The following ELMO1 variants were observed in gnomAD, a reference collection of about 807,000 sequenced individuals.
The protein encoded by ELMO1 is engulfment and cell motility 1.
A neutral mutation model predicts 98.9 loss-of-function variants in ELMO1; 26 were observed. The observed-to-expected ratio is 0.26, with a 90% CI of 0.19 to 0.36. The LOEUF is 0.36. Ranked by LOEUF, ELMO1 falls within the 10% of genes least tolerant of loss-of-function variation. ELMO1 has a pLI of 1.00. For missense variants in ELMO1, 627 were observed against 935.2 expected (o/e 0.67, Z 4.30); for synonymous variants, 346 against 346.0 (o/e 1.00, Z 0.00).
chr7:36,953,842 TGTGTGTGTGTGTG>T (rs1788210247), intron 16 of ELMO1, among the ~76,000 whole-genome samples: 3 of 4,382 alleles, frequency 6.8e-4, no homozygotes, highest in African/African-American at 2.0e-3. Context: ...GTATGTTTTG[TGTGTGTGTGTGTG>T]TGTGTGTGTG....
chr7:36,919,290 T>C (rs573643645), intron 16 of ELMO1: 3 of 492,148 alleles, frequency 6.1e-6, no homozygotes, highest in East Asian at 5.7e-5. Context: ...CCACAGCATA[T>C]AGCATCGTGT....
At chr7:37,431,777 C>G (rs536081433) in intron 1 of ELMO1, among the ~76,000 whole-genome samples, 3 of 152,236 alleles carry the variant, frequency 2.0e-5, no homozygotes, top group Admixed American at 2.0e-4. Context: ...TGGCTCTGAA[C>G]TAACACTAAT....
intron 16 of ELMO1, among the ~76,000 whole-genome samples, chr7:36,903,569 T>C (rs1443993155): frequency 6.6e-6 from 1 of 152,244 alleles, no homozygotes; most frequent in Admixed American, 6.5e-5. Flanking sequence ...CAGGATGTCT[T>C]TGCCTGGCCT....
intron 4 of ELMO1, among the ~76,000 whole-genome samples, chr7:37,303,513 A>G (rs1022528039): frequency 6.6e-6 from 1 of 152,260 alleles, no homozygotes; most frequent in Admixed American, 6.5e-5. Flanking sequence ...AAGATCTGCA[A>G]TTAAGTTTCT....
intron 16 of ELMO1, among the ~76,000 whole-genome samples, chr7:36,948,084 A>C (rs73340252): frequency 3.0e-4 from 45 of 152,374 alleles, no homozygotes; most frequent in African/African-American, 9.6e-4. Context: ...ATGCTCAATA[A>C]GTGTAGTTTG....
At chr7:37,350,900 G>A (rs569548498) in intron 1 of ELMO1, among the ~76,000 whole-genome samples, 1 of 152,310 alleles carries the variant, frequency 6.6e-6, no homozygotes, top group East Asian at 1.9e-4. Context: ...GTAAGCCAAG[G>A]AGAAAGCCCT....
intron 16 of ELMO1, among the ~76,000 whole-genome samples, chr7:36,948,382 A>G (rs1337633424): frequency 1.3e-5 from 2 of 152,178 alleles, no homozygotes; most frequent in Non-Finnish European, 2.9e-5. Context: ...TTTCACATTG[A>G]GTTAGAATGT....
intron 13 of ELMO1, among the ~76,000 whole-genome samples, chr7:37,176,179 C>T (rs1033369338): frequency 3.3e-5 from 5 of 152,176 alleles, no homozygotes; most frequent in African/African-American, 1.2e-4. Flanking sequence ...CCTTTAACAT[C>T]TCAACAATTT....
intron 1 of ELMO1, among the ~76,000 whole-genome samples, chr7:37,414,844 AG>A (rs1562676554): frequency 1.3e-5 from 2 of 152,252 alleles, no homozygotes; most frequent in Non-Finnish European, 2.9e-5. Flanking sequence ...GAATAAAACA[AG>A]AGCAAATAAA....
intron 1 of ELMO1, among the ~76,000 whole-genome samples, chr7:37,406,104 G>A (rs1803746660): frequency 6.6e-6 from 1 of 152,042 alleles, no homozygotes; most frequent in Non-Finnish European, 1.5e-5. Flanking sequence ...TGCATCTTAG[G>A]GTTCATTCCA....
intron 1 of ELMO1, among the ~76,000 whole-genome samples, chr7:37,432,280 G>A (rs1490017807): frequency 6.6e-6 from 1 of 152,218 alleles, no homozygotes; most frequent in Non-Finnish European, 1.5e-5. Context: ...TGAATAATTG[G>A]AATAGGTATG....
intron 1 of ELMO1, among the ~76,000 whole-genome samples, chr7:37,351,483 T>C (rs1240469070): frequency 2.0e-5 from 3 of 152,070 alleles, no homozygotes; most frequent in Non-Finnish European, 4.4e-5. Flanking sequence ...TCATCCACAA[T>C]AGGAAAGAAT....
rs184326221 is a variant in ELMO1 at position 37,289,034 on chromosome 7, C to T, written c.193-17152G>A. ...TGTTCGTTTTCTAAGTCTTTCCTGT[C>T]AGTTTCCACACCCAAAAGAACAGAT... is the stretch of plus-strand genomic sequence containing the variant. On this transcript the variant is annotated intron_variant, in intron 4 of 21. Coordinates refer to ENST00000310758, the MANE Select transcript of ELMO1 (RefSeq NM_014800.11). Among the ~76,000 whole-genome samples, 4 of 152,294 alleles carry T rather than the reference C, an allele frequency of 2.6e-5. No individual in the cohort carries two copies. In the East Asian group the frequency reaches 7.7e-4, roughly 29 times the overall value.
intron 16 of ELMO1, among the ~76,000 whole-genome samples, chr7:36,971,078 T>C (rs905459041): frequency 1.3e-5 from 2 of 152,244 alleles, no homozygotes; most frequent in South Asian, 2.1e-4. Context: ...ACTGGTGAAG[T>C]TGTGTGTATG....
chr7:36,853,464 A>G lies in ELMO1; in HGVS notation c.*2087T>C, dbSNP rs1341933554. 1.3e-5 allele frequency among the ~76,000 whole-genome samples: 2 copies of G among 152,166 alleles called. No homozygotes were observed. The highest frequency in any genetic ancestry group is 2.9e-5 in the Non-Finnish European group (2 of 68,028). On this transcript the variant is annotated 3_prime_UTR_variant, in exon 22 of 22. Coordinates refer to ENST00000310758, the MANE Select transcript of ELMO1 (RefSeq NM_014800.11). The stretch of plus-strand genomic sequence containing the variant: ...AATATGACTTTGTTTGCTGCCTTTG[A>G]CCTAACACTTACTGTTTTATCATGA...
chr7:37,438,178 T>A (rs1805229872), intron 1 of ELMO1, among the ~76,000 whole-genome samples: 1 of 152,250 alleles, frequency 6.6e-6, no homozygotes, highest in South Asian at 2.1e-4. Flanking sequence ...TAAAGCAAAC[T>A]AATTCTAGTC....
At chr7:36,906,474 G>A (rs1256828931) in intron 16 of ELMO1, among the ~76,000 whole-genome samples, 2 of 152,182 alleles carry the variant, frequency 1.3e-5, no homozygotes, top group Non-Finnish European at 2.9e-5. Context: ...CTAATAAGTT[G>A]TTGATGCCTG....
chr7:37,118,362 C>T (rs983398032), intron 14 of ELMO1, among the ~76,000 whole-genome samples: 1 of 152,126 alleles, frequency 6.6e-6, no homozygotes, highest in Non-Finnish European at 1.5e-5. Context: ...ATAATATACT[C>T]GTGTGACTTT....
chr7:37,153,146 A>G (rs2129320271), intron 13 of ELMO1, among the ~76,000 whole-genome samples: 1 of 152,328 alleles, frequency 6.6e-6, no homozygotes, highest in South Asian at 2.1e-4. Context: ...AAATGACTTT[A>G]AGAATAGACT....
Sources: gnomAD v4.1 joint callset for allele counts (sites outside exome capture counted in the v4.1 genomes callset) on GRCh38, gnomAD v4.1.1 for gene constraint, MANE v1.5 for transcripts, NCBI Gene and HGNC (gene_info 2026-07-23, HGNC 2026-07-21) for gene names.